The following IRF9 variants were observed in gnomAD, a reference collection of about 807,000 sequenced individuals.
IRF9 encodes the protein interferon regulatory factor 9, also known as IFN-alpha-responsive transcription factor subunit.
A neutral mutation model predicts 44.1 loss-of-function variants in IRF9; 13 were observed. That is an observed-to-expected ratio of 0.29 (90% CI 0.19 to 0.47). The LOEUF (loss-of-function observed/expected upper bound fraction) is 0.47. Ranked by LOEUF, IRF9 falls within the 20% of genes least tolerant of loss-of-function variation. IRF9 has a pLI of 1.00. For missense variants in IRF9, 373 were observed against 496.1 expected, an observed-to-expected ratio of 0.75 and a Z score of 2.36; for synonymous variants, 189 against 188.5, an observed-to-expected ratio of 1.00 and a Z score of -0.02.
Position 24,165,037 on chromosome 14 carries a change from A to G in IRF9, c.991+82A>G, listed in dbSNP as rs753073454. On this transcript the variant is annotated intron_variant, in intron 7 of 8. Transcript: ENST00000396864. ...TGGGCCCAACTTGTTGGGTCCTGCTACCTCCCTATCTGCCAGCAGATCCTC... is the reference window on the plus strand; with the variant it reads ...TGGGCCCAACTTGTTGGGTCCTGCTGCCTCCCTATCTGCCAGCAGATCCTC... The G allele has an allele frequency of 4.0e-6, 5 of 1,240,020 alleles. No individual in the cohort carries two copies. The Admixed American group carries it at 9.3e-5, about 23-fold the overall frequency. 76.8% of individuals were successfully genotyped at this position (1,240,020 alleles called of 1,614,324 possible).
At position 24,163,982 on chromosome 14, in the gene IRF9, T is replaced by A; in HGVS notation, c.577+23T>A. 4 of 1,609,572 alleles carry A rather than the reference T, an allele frequency of 2.5e-6. No individual in the cohort carries two copies. The South Asian group carries it at 4.4e-5, about 18-fold the overall frequency. On this transcript the variant is annotated intron_variant, in intron 5 of 8. Coordinates refer to ENST00000396864, the MANE Select transcript of IRF9 (RefSeq NM_006084.5). The stretch of plus-strand genomic sequence containing the variant: ...AAGGTACCACCTGCCCTGCCTCTTG[T>A]GTCGTCCCCCATGCCACACCCTCTG...
intron 8 of IRF9, 33 bp from the exon 9 acceptor site, chr14:24,166,089 C>G: frequency 6.2e-7 from 1 of 1,605,032 alleles, no homozygotes; most frequent in African/African-American, 1.3e-5. Flanking sequence ...GATGCACGCA[C>G]TGAGATGCTC....
rs200221410 is a variant in IRF9, at chr14:24,164,994, C to G, written c.991+39C>G. On this transcript the variant is annotated intron_variant, in intron 7 of 8. Coordinates refer to ENST00000396864, the MANE Select transcript of IRF9 (RefSeq NM_006084.5). The surrounding 1 kb of genome is among the most constrained non-coding windows in gnomAD (Gnocchi z 5.2). ...CTCTGGGCACATGAGCTTCCACCCC[C>G]TACCTCTTAGTACCCCCTGGGCCCA... The G allele has an allele frequency of 6.3e-7, 1 of 1,595,788 alleles. No individual in the cohort carries two copies. The highest frequency in any genetic ancestry group is 2.2e-5 in the East Asian group (1 of 44,600).
chr14:24,163,219 C>A, intron 3 of IRF9, 70 bp downstream of exon 3: 1 of 1,575,228 alleles, frequency 6.3e-7, no homozygotes, highest in Non-Finnish European at 8.6e-7. Context: ...GTGCAGGCTT[C>A]CCCCAGGCTT....
At chr14:24,162,385 A>T in intron 2 of IRF9, 61 bp downstream of exon 2, 1 of 1,504,702 alleles carries the variant, frequency 6.6e-7, no homozygotes, top group East Asian at 2.3e-5. Flanking sequence ...ACACTGGTAC[A>T]CTCATCCTCG....
chr14:24,162,847 C>A, intron 2 of IRF9, 119 bp from the exon 3 acceptor site: 2 of 765,952 alleles, frequency 2.6e-6, no homozygotes, highest in Non-Finnish European at 4.2e-6. Flanking sequence ...CAACGCAGAG[C>A]ACAGACCCTG....
Position 24,163,079 on chromosome 14 carries a change from T to G in IRF9, c.294T>G (p.Pro98=), listed in dbSNP as rs2038479978. The change falls in exon 3 of 9, where the codon CCT becomes CCG. Residue 98 remains proline, a synonymous_variant. Coordinates refer to ENST00000396864, the MANE Select transcript of IRF9 (RefSeq NM_006084.5). The stretch of plus-strand genomic sequence containing the variant: ...AGAGTTCTGAATTTAAGGAGGTTCC[T>G]GAGAGGGGCCGCATGGATGTTGCTG... The part of the protein sequence containing the change: ...LNKSSEFKEV[P]ERGRMDVAEP... 1 of 1,614,106 alleles carries G rather than the reference T, an allele frequency of 6.2e-7. No individual in the cohort carries two copies. The highest frequency in any genetic ancestry group is 8.5e-7 in the Non-Finnish European group (1 of 1,180,058).
rs201942001 is a variant in IRF9, at chr14:24,164,916, G to C, written c.952G>C (p.Glu318Gln). Reference protein sequence around the residue: ...GPGPHLLPSNECVELFRTAYF... With the variant: ...GPGPHLLPSNQCVELFRTAYF... The stretch of plus-strand genomic sequence containing the variant: ...AGGCCCGCATCTGCTGCCCAGCAAC[G>C]AGTGCGTGGAGCTCTTCAGAACCGC... Residue 318 changes from glutamate to glutamine, a missense_variant, in exon 7 of 9, where the codon GAG becomes CAG. Transcript: ENST00000396864. The surrounding 1 kb of genome is among the most constrained non-coding windows in gnomAD (Gnocchi z 5.2). The C allele has an allele frequency of 6.2e-6, 10 of 1,612,854 alleles. No homozygotes were observed. In the African/African-American group the frequency reaches 1.1e-4, roughly 17 times the overall value.
Position 24,164,344 on chromosome 14 carries a change from C to A in IRF9, c.649+210C>A. ...TCCCAAAAATACCACCCTATACACT[C>A]TCCTGGAAATCTACATTGAGACATT... On this transcript the variant is annotated intron_variant, in intron 6 of 8. Coordinates refer to ENST00000396864, the MANE Select transcript of IRF9 (RefSeq NM_006084.5). This position sits in a 1 kb window ranked among gnomAD's most constrained non-coding sequence, Gnocchi z 5.2. 1 of 610,236 alleles carries A rather than the reference C, an allele frequency of 1.6e-6. No individual in the cohort carries two copies. The highest frequency in any genetic ancestry group is 2.9e-6 in the Non-Finnish European group (1 of 344,470). 37.8% of individuals were successfully genotyped at this position (610,236 alleles called of 1,614,324 possible).
At chr14:24,161,421 T>C (rs1407693377) in intron 1 of IRF9, 83 bp downstream of exon 1, 3 of 152,012 alleles carry the variant, frequency 2.0e-5, no homozygotes, top group East Asian at 1.9e-4. Flanking sequence ...GTCCTAGGGG[T>C]CGCTCTGTTA....
chr14:24,162,486 T>C (rs938007323), intron 2 of IRF9, 162 bp downstream of exon 2: 7 of 725,600 alleles, frequency 9.6e-6, no homozygotes, highest in East Asian at 3.0e-5. Flanking sequence ...AAAATGAAAA[T>C]GTGGAGGCCT....
At position 24,164,292 on chromosome 14, in the gene IRF9, G is replaced by T; in HGVS notation, c.649+158G>T. The T allele has an allele frequency of 1.5e-6, 1 of 684,708 alleles. No individual in the cohort carries two copies. The highest frequency in any genetic ancestry group is 2.5e-6 in the Non-Finnish European group (1 of 396,186). 42.4% of individuals were successfully genotyped at this position (684,708 alleles called of 1,614,324 possible). ...TTTCTAGGTGGCGAGAATTCCATAT[G>T]CCTGGCCAGACTCCAAAAAGCTTGC... On this transcript the variant is annotated intron_variant, in intron 6 of 8. Transcript: ENST00000396864. The surrounding 1 kb of genome is among the most constrained non-coding windows in gnomAD (Gnocchi z 5.2).
intron 8 of IRF9, 56 bp downstream of exon 8, chr14:24,166,018 T>C: frequency 6.3e-7 from 1 of 1,581,362 alleles, no homozygotes; most frequent in Admixed American, 1.7e-5. Flanking sequence ...ACAGTGGTGC[T>C]CCAGGAGGCA....
intron 2 of IRF9, chr14:24,162,701 G>A (rs2038475386): frequency 2.2e-6 from 1 of 461,720 alleles, no homozygotes; most frequent in South Asian, 2.7e-5. Flanking sequence ...TCGGGAGACT[G>A]AGGCAGGAGA....
At chr14:24,161,698 T>C (rs971659274) in intron 1 of IRF9, among the ~76,000 whole-genome samples, 2 of 151,530 alleles carry the variant, frequency 1.3e-5, no homozygotes, top group African/African-American at 4.9e-5. Context: ...GGGGTGGGGG[T>C]CAGGCTAGGT....
Position 24,165,948 on chromosome 14 carries a change from C to G in IRF9, c.1093C>G (p.Leu365Val). ...SHGSSHTPQN[L>V]ITVKMEQAFA... Reference sequence around the variant, plus strand: ...TGGCTCCAGCCATACTCCACAGAATCTTATCACAGTGAAGGTGAGCTCGGA... The same window carrying G: ...TGGCTCCAGCCATACTCCACAGAATGTTATCACAGTGAAGGTGAGCTCGGA... Residue 365 changes from leucine to valine, a missense_variant, in exon 8 of 9, where the codon CTT becomes GTT. Physicochemically the swap from Leu to Val is conservative, Grantham distance 32. This residue lies in a region of IRF9 where 146 missense variants were observed against 240.8 expected (regional missense o/e 0.61). Coordinates refer to ENST00000396864, the MANE Select transcript of IRF9 (RefSeq NM_006084.5). The G allele has an allele frequency of 6.2e-7, 1 of 1,613,748 alleles. No homozygotes were observed. The highest frequency in any genetic ancestry group is 8.5e-7 in the Non-Finnish European group (1 of 1,179,618).
chr14:24,163,011 G>T lies in IRF9; in HGVS notation c.226G>T (p.Gly76Cys). 1 of 1,614,080 alleles carries T rather than the reference G, an allele frequency of 6.2e-7. No individual in the cohort carries two copies. Among genetic ancestry groups the T allele is most frequent in the Non-Finnish European group, 8.5e-7 (1 of 1,180,008 alleles). ...AAAGTATAAGGAGGGGGACACAGGAGGTCCAGCTGTCTGGAAGACTCGCCT... is the reference window on the plus strand; with the variant it reads ...AAAGTATAAGGAGGGGGACACAGGATGTCCAGCTGTCTGGAAGACTCGCCT... ...KGKYKEGDTG[G>C]PAVWKTRLRC... Residue 76 changes from glycine to cysteine, a missense_variant, in exon 3 of 9, where the codon GGT (glycine) becomes TGT (cysteine). Around this residue, in one of 2 missense-constraint regions of IRF9, gnomAD observed 227 missense variants for 255.3 expected, o/e 0.89. Coordinates refer to ENST00000396864, the MANE Select transcript of IRF9 (RefSeq NM_006084.5).
At chr14:24,162,103 A>C in intron 1 of IRF9, 41 bp from the exon 2 acceptor site, 1 of 1,590,196 alleles carries the variant, frequency 6.3e-7, no homozygotes, top group Non-Finnish European at 8.6e-7. Flanking sequence ...TTCCCTCCCA[A>C]AGTGTCAGTT....
chr14:24,164,528 AG>A lies in IRF9; in HGVS notation c.650-82del, dbSNP rs1363784458. The A allele has an allele frequency of 3.1e-6, 4 of 1,284,530 alleles. No individual in the cohort carries two copies. Among genetic ancestry groups the A allele is most frequent in the Non-Finnish European group, 4.3e-6 (4 of 923,634 alleles). The allele number at this position is 1,284,530 out of a possible 1,614,324, so 79.6% of individuals were successfully genotyped here. ...AGGAAGCCCCCTGGCTGGTGTGGGG[AG>A]GGGAGGTGGAGTTGTTCCCCTGGGG... On this transcript the variant is annotated intron_variant, in intron 6 of 8. Coordinates refer to ENST00000396864, the MANE Select transcript of IRF9 (RefSeq NM_006084.5). The surrounding 1 kb of genome is among the most constrained non-coding windows in gnomAD (Gnocchi z 5.2).
Sources: allele counts gnomAD v4.1 joint callset (sites outside exome capture counted in the v4.1 genomes callset), GRCh38; gene constraint gnomAD v4.1.1; regional missense constraint gnomAD v4.1.1; non-coding constraint Gnocchi (gnomAD v3.1); transcripts MANE v1.5; gene names NCBI Gene and HGNC (gene_info 2026-07-23, HGNC 2026-07-21).